The following CA10 variants were observed in gnomAD, a reference collection of about 807,000 sequenced individuals.
The protein encoded by CA10 is carbonic anhydrase-related protein 10.
In CA10, 14 loss-of-function variants were observed where a neutral mutation model predicts 44.2. The ratio of observed to expected loss-of-function variants is 0.32; its 90% CI spans 0.21 to 0.50. CA10 has a LOEUF of 0.50. CA10 is among the 20% of genes least tolerant of loss of function. CA10 has a pLI of 0.99. For synonymous variants in CA10, 159 were observed against 141.6 expected (o/e 1.12, Z -0.87); for missense variants, 350 against 409.7 (o/e 0.85, Z 1.26).
rs532891561 is a variant in CA10 at position 51,770,319 on chromosome 17, T to C, written c.280-22501A>G. On this transcript the variant is annotated intron_variant, in intron 3 of 8. Coordinates refer to ENST00000451037, the MANE Select transcript of CA10 (RefSeq NM_020178.5). ...GTGGTGACCAGCAAGTTACCAAATA[T>C]GGCTATAATATCCTATGTTTTCTCC... is the stretch of plus-strand genomic sequence containing the variant. Among the ~76,000 whole-genome samples, 181 of 152,020 alleles carry C rather than the reference T, an allele frequency of 1.2e-3. 1 individual carries two copies. The highest frequency in any genetic ancestry group is 4.2e-3 in the African/African-American group (176 of 41,480).
At chr17:51,879,000 A>C (rs1264562072) in intron 3 of CA10, among the ~76,000 whole-genome samples, 1 of 149,214 alleles carries the variant, frequency 6.7e-6, no homozygotes, top group Non-Finnish European at 1.5e-5. Flanking sequence ...CAAAATAACC[A>C]CTTTTGGCAT....
chr17:51,913,913 T>C (rs1159334899), intron 3 of CA10, among the ~76,000 whole-genome samples: 1 of 152,126 alleles, frequency 6.6e-6, no homozygotes, highest in Non-Finnish European at 1.5e-5. Flanking sequence ...TTCCATCTAT[T>C]ACCATTATTA....
intron 3 of CA10, among the ~76,000 whole-genome samples, chr17:51,793,442 T>C (rs2143701606): frequency 6.6e-6 from 1 of 152,298 alleles, no homozygotes; most frequent in Admixed American, 6.5e-5. Context: ...ACAAACTGAA[T>C]CAAGACTGGA....
intron 2 of CA10, among the ~76,000 whole-genome samples, chr17:52,021,374 A>G (rs993725647): frequency 6.6e-6 from 1 of 152,124 alleles, no homozygotes; most frequent in African/African-American, 2.4e-5. Context: ...TAGTCCTTTG[A>G]GAAATCTTCA....
At position 51,933,024 on chromosome 17, in the gene CA10, A is replaced by T. The variant is rs543578501; in HGVS notation, c.137-1892T>A. ...AGCAGTCTTTGTCCGTAACGCACAC[A>T]CAAGTGGCAAATGTGAGCATGCCAG... On this transcript the variant is annotated intron_variant, in intron 2 of 8. Coordinates refer to ENST00000451037, the MANE Select transcript of CA10 (RefSeq NM_020178.5). 2.0e-5 allele frequency among the ~76,000 whole-genome samples: 3 copies of T among 152,240 alleles called. No individual in the cohort carries two copies. In the East Asian group the frequency reaches 5.8e-4, roughly 30 times the overall value.
At chr17:52,143,331 A>G (rs1989520319) in intron 1 of CA10, among the ~76,000 whole-genome samples, 1 of 152,210 alleles carries the variant, frequency 6.6e-6, no homozygotes, top group Admixed American at 6.5e-5. Flanking sequence ...ATAATTTTAA[A>G]TAAGTAAAAA....
intron 6 of CA10, among the ~76,000 whole-genome samples, chr17:51,640,165 C>T (rs1433045216): frequency 1.3e-5 from 2 of 152,200 alleles, no homozygotes; most frequent in Non-Finnish European, 2.9e-5. Context: ...CCCCCAAATG[C>T]CAGCATGAGT....
chr17:51,884,352 C>T (rs1356639031), intron 3 of CA10, among the ~76,000 whole-genome samples: 1 of 151,724 alleles, frequency 6.6e-6, no homozygotes, highest in Non-Finnish European at 1.5e-5. Context: ...CTTGCAATCC[C>T]TCTCACCTCA....
In CA10 at chr17:51,643,566, T is replaced by G. The variant is rs150290329; in HGVS notation, c.634+5616A>C. 3.1e-3 allele frequency among the ~76,000 whole-genome samples: 478 copies of G among 152,298 alleles called. 1 individual carries two copies. The highest frequency in any genetic ancestry group is 0.011 in the African/African-American group (468 of 41,576). ...GTTTTATAAGTTTCACTCAGACATA[T>G]GAAATCTAAGCTTGCAAGGAAAGTA... On this transcript the variant is annotated intron_variant, in intron 6 of 8. Coordinates refer to ENST00000451037, the MANE Select transcript of CA10 (RefSeq NM_020178.5).
intron 3 of CA10, among the ~76,000 whole-genome samples, chr17:51,831,683 A>AGCGGCG (rs1908258877): frequency 1.4e-5 from 1 of 70,416 alleles, no homozygotes; most frequent in African/African-American, 4.4e-5. Flanking sequence ...CAGCAGCAGC[A>AGCGGCG]GCAGCAGCAG....
chr17:51,761,702 G>C (rs1905220889), intron 3 of CA10: 1 of 152,060 alleles, frequency 6.6e-6, no homozygotes, highest in East Asian at 1.9e-4. Flanking sequence ...TCACATTGCT[G>C]TCCAGTTTTC....
At chr17:52,116,337 G>C (rs1420349273) in intron 1 of CA10, among the ~76,000 whole-genome samples, 7 of 152,118 alleles carry the variant, frequency 4.6e-5, no homozygotes, top group Non-Finnish European at 1.0e-4. Flanking sequence ...TGGTTCCACA[G>C]CTTTGCCTTA....
chr17:52,146,562 C>T (rs1336084227), intron 1 of CA10, among the ~76,000 whole-genome samples: 2 of 151,854 alleles, frequency 1.3e-5, no homozygotes, highest in South Asian at 2.1e-4. Flanking sequence ...TGGTGGCGGG[C>T]GCCTGTAGTC....
chr17:51,823,412 T>C (rs1907892460), intron 3 of CA10, among the ~76,000 whole-genome samples: 1 of 152,194 alleles, frequency 6.6e-6, no homozygotes, highest in African/African-American at 2.4e-5. Context: ...GGACGCTGCT[T>C]TGGAAAGGAA....
chr17:51,895,404 G>T (rs1981026117), intron 3 of CA10, among the ~76,000 whole-genome samples: 1 of 151,964 alleles, frequency 6.6e-6, no homozygotes, highest in South Asian at 2.1e-4. Flanking sequence ...GACATTTTTA[G>T]ACATACAAGA....
At chr17:51,746,849 C>A (rs1446862966) in intron 4 of CA10, among the ~76,000 whole-genome samples, 1 of 152,150 alleles carries the variant, frequency 6.6e-6, no homozygotes. Flanking sequence ...ACACCACATG[C>A]AATACATATT....
chr17:51,829,368 C>G (rs1239661281), intron 3 of CA10, among the ~76,000 whole-genome samples: 1 of 152,126 alleles, frequency 6.6e-6, no homozygotes, highest in Non-Finnish European at 1.5e-5. Context: ...ATTGTCCAAG[C>G]TGTTACAGAA....
intron 4 of CA10, among the ~76,000 whole-genome samples, chr17:51,674,091 A>G (rs542625755): frequency 2.0e-5 from 3 of 152,206 alleles, no homozygotes; most frequent in Non-Finnish European, 2.9e-5. Flanking sequence ...ACATACCTCT[A>G]TTAAGGCCTC....
intron 3 of CA10, among the ~76,000 whole-genome samples, chr17:51,930,025 G>A (rs1033821685): frequency 1.3e-5 from 2 of 152,048 alleles, no homozygotes; most frequent in African/African-American, 4.8e-5. Context: ...CAGTTACATG[G>A]TACAAGAAAA....
Sources: gnomAD v4.1 joint callset for allele counts (sites outside exome capture counted in the v4.1 genomes callset) on GRCh38, gnomAD v4.1.1 for gene constraint, MANE v1.5 for transcripts, NCBI Gene and HGNC (gene_info 2026-07-23, HGNC 2026-07-21) for gene names.